The following SLC39A11 variants were observed in gnomAD, a reference collection of about 807,000 sequenced individuals.
SLC39A11 encodes solute carrier family 39 member 11, also known as zinc transporter ZIP11.
A neutral mutation model predicts 36.1 loss-of-function variants in SLC39A11; 33 were observed. That is an observed-to-expected ratio of 0.91 (90% CI 0.69 to 1.22). SLC39A11 has a LOEUF of 1.22. SLC39A11 is among the 50% of genes most tolerant of loss of function. The pLI is 0.00. For missense variants in SLC39A11, 432 were observed against 430.3 expected, an observed-to-expected ratio of 1.00 and a Z score of -0.03; for synonymous variants, 166 against 170.3, an observed-to-expected ratio of 0.97 and a Z score of 0.20.
At chr17:72,720,045 A>G (rs923687122) in intron 7 of SLC39A11, among the ~76,000 whole-genome samples, 6 of 151,972 alleles carry the variant, frequency 3.9e-5, no homozygotes, top group African/African-American at 1.5e-4. Flanking sequence ...GGAGGGGCCG[A>G]CCCTTGCCGT....
chr17:72,964,001 G>A (rs2086801269), intron 4 of SLC39A11, among the ~76,000 whole-genome samples: 1 of 152,000 alleles, frequency 6.6e-6, no homozygotes, highest in Non-Finnish European at 1.5e-5. Flanking sequence ...TTTTTGTGGA[G>A]AAAGGAGCCC....
intron 4 of SLC39A11, among the ~76,000 whole-genome samples, chr17:73,003,585 A>G (rs900043609): frequency 4.6e-5 from 7 of 152,156 alleles, no homozygotes; most frequent in Admixed American, 2.0e-4. Context: ...AGGGCAGAGA[A>G]AGCAATCTGA....
At chr17:72,875,713 A>G (rs1324382804) in intron 5 of SLC39A11, among the ~76,000 whole-genome samples, 1 of 151,994 alleles carries the variant, frequency 6.6e-6, no homozygotes, top group African/African-American at 2.4e-5. Flanking sequence ...TTTCTAATCT[A>G]TTTCTTTCTT....
chr17:72,895,129 G>A (rs2081966071), intron 5 of SLC39A11, among the ~76,000 whole-genome samples: 2 of 152,154 alleles, frequency 1.3e-5, no homozygotes, highest in African/African-American at 4.8e-5. Flanking sequence ...GGTGCTAGTC[G>A]CATTGGTAGG....
intron 4 of SLC39A11, among the ~76,000 whole-genome samples, chr17:73,004,232 A>AAAGAAAGAAAGAAAGAAAGAAAGAAAAG: frequency 4.5e-5 from 4 of 88,710 alleles, no homozygotes; most frequent in African/African-American, 1.3e-4. Context: ...AGAAAGAAAG[A>AAAGAAAGAAAGAAAGAAAGAAAGAAAAG]AAAGAAAGAA....
chr17:72,827,633 G>A (rs1238770163), intron 6 of SLC39A11, among the ~76,000 whole-genome samples: 1 of 152,214 alleles, frequency 6.6e-6, no homozygotes, highest in Non-Finnish European at 1.5e-5. Flanking sequence ...CAACAGGGGT[G>A]CATGGAAAAC....
intron 7 of SLC39A11, among the ~76,000 whole-genome samples, chr17:72,666,318 G>C (rs113256493): frequency 6.6e-5 from 10 of 152,144 alleles, no homozygotes; most frequent in African/African-American, 2.4e-4. Context: ...GTGCACATCT[G>C]GACAGCATAA....
intron 7 of SLC39A11, 52 bp downstream of exon 7, chr17:72,736,598 G>A: frequency 1.0e-5 from 15 of 1,501,114 alleles, no homozygotes; most frequent in Non-Finnish European, 1.4e-5. Context: ...CGCACACCCA[G>A]AGCACCCCTG....
At chr17:73,033,989 C>A (rs143823860) in intron 3 of SLC39A11, among the ~76,000 whole-genome samples, 2 of 152,314 alleles carry the variant, frequency 1.3e-5, no homozygotes, top group East Asian at 3.9e-4. Flanking sequence ...AATGAAAATG[C>A]CTCTGCTCAA....
chr17:72,702,357 G>T (rs1021408359), intron 7 of SLC39A11, among the ~76,000 whole-genome samples: 1 of 152,086 alleles, frequency 6.6e-6, no homozygotes, highest in African/African-American at 2.4e-5. Flanking sequence ...GGCCAATTTG[G>T]ACCCCTAGGG....
intron 3 of SLC39A11, among the ~76,000 whole-genome samples, chr17:73,040,344 T>C (rs1159598726): frequency 6.6e-6 from 1 of 152,258 alleles, no homozygotes; most frequent in Non-Finnish European, 1.5e-5. Context: ...ACAGATGTTA[T>C]ACTTTTGGTC....
At chr17:72,680,037 G>T (rs1261177628) in intron 7 of SLC39A11, among the ~76,000 whole-genome samples, 1 of 88,202 alleles carries the variant, frequency 1.1e-5, no homozygotes, top group East Asian at 3.5e-4. Flanking sequence ...GTGAGACTCT[G>T]TCTCAAAAAA....
chr17:72,850,007 T>C (rs1042822085), intron 5 of SLC39A11, among the ~76,000 whole-genome samples: 1 of 149,752 alleles, frequency 6.7e-6, no homozygotes, highest in African/African-American at 2.5e-5. Flanking sequence ...CATCCTCCCA[T>C]CTCAGCCTCC....
chr17:72,825,633 C>T (rs991267161), intron 6 of SLC39A11, among the ~76,000 whole-genome samples: 6 of 152,228 alleles, frequency 3.9e-5, no homozygotes, highest in African/African-American at 1.4e-4. Flanking sequence ...CCTGGAAAAG[C>T]AGCCAAGAGG....
chr17:72,821,714 G>T (rs1447618188), intron 6 of SLC39A11: 1 of 151,262 alleles, frequency 6.6e-6, no homozygotes, highest in Non-Finnish European at 1.5e-5. Flanking sequence ...CAGTCCTGGT[G>T]ATGTTTTCAT....
At chr17:72,884,414 T>C (rs2081354638) in intron 5 of SLC39A11, among the ~76,000 whole-genome samples, 1 of 152,208 alleles carries the variant, frequency 6.6e-6, no homozygotes, top group Non-Finnish European at 1.5e-5. Context: ...GCTCAGAAAG[T>C]CTTTAGCTTG....
chr17:72,921,994 C>T (rs1009424688), intron 5 of SLC39A11, among the ~76,000 whole-genome samples: 1 of 152,168 alleles, frequency 6.6e-6, no homozygotes, highest in African/African-American at 2.4e-5. Context: ...TGTTATTATT[C>T]AATTATAATT....
At chr17:72,990,042 A>G (rs573347682) in intron 4 of SLC39A11, among the ~76,000 whole-genome samples, 100 of 152,364 alleles carry the variant, frequency 6.6e-4, no homozygotes, top group African/African-American at 2.1e-3. Flanking sequence ...TAAGTGACTT[A>G]CCCATCTTAG....
chr17:72,772,826 G>C (rs2435977), intron 6 of SLC39A11, among the ~76,000 whole-genome samples: 2 of 151,868 alleles, frequency 1.3e-5, no homozygotes, highest in Non-Finnish European at 1.5e-5. Context: ...GCTCACGCCT[G>C]TAATCCCAGC....
Sources: allele counts gnomAD v4.1 joint callset (sites outside exome capture counted in the v4.1 genomes callset), GRCh38; gene constraint gnomAD v4.1.1; transcripts MANE v1.5; gene names NCBI Gene and HGNC (gene_info 2026-07-23, HGNC 2026-07-21).